SP100: variants seen among roughly 807,000 people sequenced by gnomAD.
SP100 encodes the protein nuclear autoantigen Sp-100.
A neutral mutation model predicts 130.0 loss-of-function variants in SP100; 84 were observed. The observed-to-expected ratio is 0.65, with a 90% confidence interval of 0.54 to 0.77. The LOEUF is 0.77. Among genes scored for constraint, SP100 ranks in the 30% least tolerant of loss-of-function variants. The pLI is 0.00. For missense variants in SP100, 978 were observed against 1,052.2 expected (o/e 0.93, Z 0.97); for synonymous variants, 331 against 351.7 (o/e 0.94, Z 0.66).
At chr2:230,511,059 T>C in intron 23 of SP100, 66 bp from the exon 24 acceptor site, 1 of 1,090,128 alleles carries the variant, frequency 9.2e-7, no homozygotes, top group Non-Finnish European at 1.4e-6. Flanking sequence ...AAGAAGTCTG[T>C]TCAAATGTGG....
chr2:230,510,097 G>A (rs1335581805), intron 23 of SP100: 1 of 152,616 alleles, frequency 6.6e-6, no homozygotes, highest in Non-Finnish European at 1.5e-5. Flanking sequence ...TCTGGCAGGT[G>A]GTAATATGGC....
At chr2:230,467,337 CCATTTTGAAAAATG>C in intron 13 of SP100, 122 bp downstream of exon 13, 1 of 701,334 alleles carries the variant, frequency 1.4e-6, no homozygotes, top group Non-Finnish European at 2.5e-6. Context: ...CCTCATCTGG[CCATTTTGAAAAATG>C]CAAAGAAAGA....
chr2:230,470,933 A>C (rs2065233801), intron 15 of SP100, among the ~76,000 whole-genome samples: 1 of 146,872 alleles, frequency 6.8e-6, no homozygotes. Context: ...TATATTTGTT[A>C]CATATAACAT....
chr2:230,470,020 A>G lies in SP100; in HGVS notation c.1351A>G (p.Ser451Gly), dbSNP rs1392582972. Residue 451 changes from serine (S) to glycine (G), a missense_variant, in exon 15 of 29, where the codon AGC (serine) becomes GGC (glycine). Coordinates refer to ENST00000340126, the MANE Select transcript of SP100 (RefSeq NM_001080391.2). ...WRIPSRKRRF[S>G]SSDFSDLSNG... ...AATTTTATTTTTTTCTGCAGGTTTC[A>G]GCAGTAGTGACTTTTCAGACCTGAG... 3 of 1,612,138 alleles carry G rather than the reference A, an allele frequency of 1.9e-6. No individual in the cohort carries two copies. The South Asian group carries it at 3.3e-5, about 18-fold the overall frequency.
intron 8 of SP100, among the ~76,000 whole-genome samples, chr2:230,455,815 A>C (rs1474227310): frequency 6.6e-6 from 1 of 152,158 alleles, no homozygotes; most frequent in East Asian, 1.9e-4. Flanking sequence ...GTTAACATGA[A>C]GTTTACACAA....
At chr2:230,464,610 G>A (rs2064839864) in intron 11 of SP100, among the ~76,000 whole-genome samples, 1 of 140,442 alleles carries the variant, frequency 7.1e-6, no homozygotes, top group African/African-American at 2.5e-5. Context: ...ATTATTAATG[G>A]CAAAAAAAAA....
chr2:230,524,397 A>C (rs372108379), intron 24 of SP100, among the ~76,000 whole-genome samples: 24 of 151,552 alleles, frequency 1.6e-4, no homozygotes, highest in African/African-American at 5.3e-4. Flanking sequence ...AGGAAAAAAA[A>C]CGTATAAACC....
rs1293861985 is a variant in SP100, at chr2:230,461,153, G to A, written c.821-109G>A. Reference sequence around the variant, plus strand: ...AGCAAAAGGAAAAACACGGAGGTGGGGTGAAGGTCTAGCCCCAGCAGTGAA... The same window carrying A: ...AGCAAAAGGAAAAACACGGAGGTGGAGTGAAGGTCTAGCCCCAGCAGTGAA... On this transcript the variant is annotated intron_variant, in intron 8 of 28. Coordinates refer to ENST00000340126, the MANE Select transcript of SP100 (RefSeq NM_001080391.2). The A allele has an allele frequency of 5.1e-6, 5 of 987,102 alleles. No individual in the cohort carries two copies. In the Admixed American group the frequency reaches 7.1e-5, roughly 14 times the overall value. The allele number at this position is 987,102 out of a possible 1,614,324, so 61.1% of individuals were successfully genotyped here. A position where few individuals can be genotyped will look rare whatever the true frequency, so the allele number is the denominator to read the frequency against.
Position 230,416,257 on chromosome 2 carries a change from G to A in SP100, c.-40G>A. On this transcript the variant is annotated 5_prime_UTR_variant, in exon 1 of 29. Transcript: ENST00000340126. ...GGCTGGGCCGACTGAGGGGCTCAGA[G>A]GCCAGGCTCTGAGGCCCACGCAGGG... The A allele has an allele frequency of 1.3e-6, 2 of 1,596,320 alleles. No individual in the cohort carries two copies. The highest frequency in any genetic ancestry group is 1.1e-5 in the South Asian group (1 of 90,142).
intron 15 of SP100, among the ~76,000 whole-genome samples, chr2:230,471,241 G>A (rs2065249339): frequency 1.3e-5 from 2 of 152,168 alleles, no homozygotes; most frequent in African/African-American, 4.8e-5. Context: ...ATAGCAGCAG[G>A]GCAATGGGCA....
At chr2:230,449,508 G>A (rs1370515672) in intron 6 of SP100, 53 bp from the exon 7 acceptor site, 4 of 1,603,764 alleles carry the variant, frequency 2.5e-6, no homozygotes, top group African/African-American at 1.3e-5. Context: ...TTGGAGGGGA[G>A]TGACAGGCAG....
At position 230,515,087 on chromosome 2, in the gene SP100, C is replaced by G. The variant is rs114341455; in HGVS notation, c.2094+3921C>G. ...TTATCATATGCATTTTTTGTGCAAACTTGTCAGGAGGAGCATAAGAAGAAG... is the reference window on the plus strand; with the variant it reads ...TTATCATATGCATTTTTTGTGCAAAGTTGTCAGGAGGAGCATAAGAAGAAG... On this transcript the variant is annotated intron_variant, in intron 24 of 28. Coordinates refer to ENST00000340126, the MANE Select transcript of SP100 (RefSeq NM_001080391.2). 1,546 of 1,611,388 alleles carry G rather than the reference C, an allele frequency of 9.6e-4. 7 individuals carry two copies. The highest frequency in any genetic ancestry group is 1.2e-3 in the Non-Finnish European group (1,405 of 1,179,140).
At position 230,545,278 on chromosome 2, in the gene SP100, G is replaced by T. The variant is rs1692275370; in HGVS notation, c.*2332G>T. The stretch of plus-strand genomic sequence containing the variant: ...TAAGAAACAATGAGATCATGTCTCA[G>T]GAACATGGATAGAGCTGGAGGCTAT... On this transcript the variant is annotated 3_prime_UTR_variant, in exon 29 of 29. Coordinates refer to ENST00000340126, the MANE Select transcript of SP100 (RefSeq NM_001080391.2). Among the ~76,000 whole-genome samples the T allele has an allele frequency of 6.6e-6, 1 of 152,166 alleles. No individual in the cohort carries two copies. The highest frequency in any genetic ancestry group is 2.4e-5 in the African/African-American group (1 of 41,440).
At chr2:230,454,962 A>T (rs2064195232) in intron 8 of SP100, among the ~76,000 whole-genome samples, 1 of 152,130 alleles carries the variant, frequency 6.6e-6, no homozygotes, top group South Asian at 2.1e-4. Flanking sequence ...TAGTTGCTCA[A>T]ATATTGGGTG....
chr2:230,522,735 G>A (rs1176184436), intron 24 of SP100, among the ~76,000 whole-genome samples: 1 of 151,758 alleles, frequency 6.6e-6, no homozygotes, highest in Non-Finnish European at 1.5e-5. Flanking sequence ...TGATCTGCCT[G>A]CCTCGGCCTC....
At chr2:230,508,918 C>G (rs1690346148) in intron 23 of SP100, 1 of 16,624 alleles carries the variant, frequency 6.0e-5, no homozygotes, top group African/African-American at 1.3e-4. Flanking sequence ...TTACCTCCAC[C>G]ACACACACAC....
At chr2:230,478,053 C>T (rs1182612358) in intron 17 of SP100, among the ~76,000 whole-genome samples, 1 of 150,974 alleles carries the variant, frequency 6.6e-6, no homozygotes, top group Admixed American at 6.6e-5. Context: ...TTTTTTTGTA[C>T]AATTCTGGCA....
intron 17 of SP100, among the ~76,000 whole-genome samples, chr2:230,488,996 T>C (rs963213535): frequency 2.0e-5 from 3 of 152,182 alleles, no homozygotes; most frequent in Non-Finnish European, 4.4e-5. Context: ...TTTTATTGTG[T>C]TTCTCCTAGG....
rs544529203 is a variant in SP100, at chr2:230,532,859, C to T, written c.2095-6408C>T. Among the ~76,000 whole-genome samples, 407 of 152,332 alleles carry T rather than the reference C, an allele frequency of 2.7e-3. 1 individual carries two copies. Among genetic ancestry groups the T allele is most frequent in the Non-Finnish European group, 4.4e-3 (302 of 68,030 alleles). ...GCAGTGTCGCGATCTTGGCTTACTG[C>T]AACCTCTGCCTCCTGGGTTCAAGCA... On this transcript the variant is annotated intron_variant, in intron 24 of 28. Coordinates refer to ENST00000340126, the MANE Select transcript of SP100 (RefSeq NM_001080391.2).
Sources: gnomAD v4.1 joint callset for allele counts (sites outside exome capture counted in the v4.1 genomes callset) on GRCh38, gnomAD v4.1.1 for gene constraint, MANE v1.5 for transcripts, NCBI Gene and HGNC (gene_info 2026-07-23, HGNC 2026-07-21) for gene names.